Variants in NSD2 observed in about 807,000 individuals in gnomAD.
The protein encoded by NSD2 is nuclear receptor binding SET domain protein 2.
Under a neutral mutation model 139.0 loss-of-function variants are expected in NSD2, and 12 were observed. The ratio of observed to expected loss-of-function variants is 0.09; its 90% CI spans 0.06 to 0.14. The LOEUF is 0.14. Among genes scored for constraint, NSD2 ranks in the 10% least tolerant of loss-of-function variants. The probability of loss-of-function intolerance (pLI) is 1.00; values close to 1 mark genes in which losing one functional copy is unlikely to be tolerated. For synonymous variants in NSD2, 669 were observed against 648.7 expected (o/e 1.03, Z -0.48); for missense variants, 1,155 against 1,745.0 (o/e 0.66, Z 6.02).
At chr4:1,877,308 C>G (rs1005238747) in intron 1 of NSD2, among the ~76,000 whole-genome samples, 13 of 152,120 alleles carry the variant, frequency 8.5e-5, no homozygotes, top group African/African-American at 3.1e-4. Flanking sequence ...TACACACTGC[C>G]TTGTCTTTCT....
chr4:1,975,731 A>G (rs1046782695), intron 20 of NSD2: 5 of 283,268 alleles, frequency 1.8e-5, no homozygotes, highest in Admixed American at 4.8e-5. Context: ...GGTGGCGGCC[A>G]CAGTCCTTGC....
chr4:1,967,852 C>T (rs888784435), intron 18 of NSD2, among the ~76,000 whole-genome samples: 3 of 151,920 alleles, frequency 2.0e-5, no homozygotes, highest in Admixed American at 6.6e-5. Context: ...AGGGGTCTGG[C>T]ATCTCATTGT....
At chr4:1,940,870 T>C in intron 9 of NSD2, 2 of 1,057,274 alleles carry the variant, frequency 1.9e-6, no homozygotes, top group East Asian at 1.0e-4. Context: ...GCGGGGCTCA[T>C]AGAGCTCTGC....
intron 9 of NSD2, chr4:1,943,920 T>A (rs1723362396): frequency 9.4e-7 from 1 of 1,063,922 alleles, no homozygotes; most frequent in Non-Finnish European, 1.1e-6. Flanking sequence ...AACTGATAGA[T>A]GCATTAGAAG....
chr4:1,909,987 C>T (rs1341188933), intron 3 of NSD2, among the ~76,000 whole-genome samples: 1 of 151,892 alleles, frequency 6.6e-6, no homozygotes, highest in East Asian at 1.9e-4. Context: ...ATTTATGGAC[C>T]AGTTTGAATC....
chr4:1,951,653 C>T (rs753598404), intron 10 of NSD2, among the ~76,000 whole-genome samples: 44 of 152,278 alleles, frequency 2.9e-4, no homozygotes, highest in Non-Finnish European at 5.7e-4. Context: ...GGACCCCAGC[C>T]AGGCCACCTA....
At chr4:1,928,291 G>A (rs922607495) in intron 5 of NSD2, among the ~76,000 whole-genome samples, 4 of 152,104 alleles carry the variant, frequency 2.6e-5, no homozygotes, top group African/African-American at 9.7e-5. Context: ...TTGTACAAAA[G>A]TATATCTAGT....
intron 5 of NSD2, among the ~76,000 whole-genome samples, chr4:1,928,729 TG>T (rs1384584902): frequency 1.4e-5 from 2 of 147,642 alleles, no homozygotes; most frequent in African/African-American, 4.9e-5. Context: ...TGGTGGGTGA[TG>T]GGGTGCCAGG....
In NSD2 at chr4:1,935,157, G is replaced by GA; in HGVS notation, c.1576dup (p.Arg526LysfsTer15). On this transcript the variant is annotated frameshift_variant, in exon 7 of 22. Coordinates refer to ENST00000508803, the MANE Select transcript of NSD2 (RefSeq NM_001042424.3). LOFTEE classifies it high-confidence loss of function. ...CCCCATTCCAAGGTAATGTAAATGG[G>GA]AAAAAAAGAAACCACACAAAGAGGA... 6.2e-7 allele frequency: 1 copy of GA among 1,609,886 alleles called. No homozygotes were observed. The highest frequency in any genetic ancestry group is 8.5e-7 in the Non-Finnish European group (1 of 1,177,988).
intron 9 of NSD2, chr4:1,940,473 AAAC>A: frequency 9.4e-7 from 1 of 1,064,112 alleles, no homozygotes; most frequent in South Asian, 4.6e-5. Flanking sequence ...CCGTTGCCAA[AAAC>A]AACAAATAGC....
chr4:1,900,567 A>C (rs1477167293), intron 1 of NSD2, 59 bp from the exon 2 acceptor site: 18 of 1,158,394 alleles, frequency 1.6e-5, no homozygotes, highest in East Asian at 1.5e-4. Flanking sequence ...TGGCATACCT[A>C]TCCTAGGTTT....
At chr4:1,933,078 A>C (rs1159067188) in intron 6 of NSD2, among the ~76,000 whole-genome samples, 1 of 152,144 alleles carries the variant, frequency 6.6e-6, no homozygotes, top group Non-Finnish European at 1.5e-5. Context: ...ACCAGCCTGC[A>C]GTGGTGTGGC....
At chr4:1,887,921 T>C (rs56165638) in intron 1 of NSD2, among the ~76,000 whole-genome samples, 14,499 of 151,970 alleles carry the variant, frequency 0.095, 907 homozygotes, top group Middle Eastern at 0.17. Flanking sequence ...CTTTTTTTTT[T>C]CTTCTGTGAT....
chr4:1,962,274 C>T (rs369065442), intron 18 of NSD2, among the ~76,000 whole-genome samples: 1 of 152,282 alleles, frequency 6.6e-6, no homozygotes, highest in East Asian at 1.9e-4. Context: ...CAAAAAGAAT[C>T]CTGGGTTAAA....
chr4:1,958,026 A>G lies in NSD2; in HGVS notation c.2975A>G (p.Lys992Arg). 1 of 1,613,962 alleles carries G rather than the reference A, an allele frequency of 6.2e-7. No individual in the cohort carries two copies. The highest frequency in any genetic ancestry group is 1.1e-5 in the South Asian group (1 of 91,052). The change falls in exon 16 of 22, where the codon AAG becomes AGG. Residue 992 changes from lysine to arginine, a missense_variant. This residue lies in a region of NSD2 where 139 missense variants were observed against 485.8 expected (regional missense o/e 0.29). Coordinates refer to ENST00000508803, the MANE Select transcript of NSD2 (RefSeq NM_001042424.3). The surrounding 1 kb of genome is among the most constrained non-coding windows in gnomAD (Gnocchi z 4.6). ...AGCGAGCGCAAGCCCCCACCATACA[A>G]GCACATCAAGGTGGCGTGTGGGAGC... is the stretch of plus-strand genomic sequence containing the variant. ...QESERKPPPY[K>R]HIKVNKPYGK... is the part of the protein sequence containing the mutation.
At chr4:1,938,412 C>CTTTCTTTTTTTTTTTTTTTTTTTTTTT (rs1722694407) in intron 7 of NSD2, 39 bp from the exon 8 acceptor site, 1 of 637,978 alleles carries the variant, frequency 1.6e-6, no homozygotes, top group Non-Finnish European at 2.0e-6. Context: ...TTTTTTTTTT[C>CTTTCTTTTTTTTTTTTTTTTTTTTTTT]TTTCTTTTTT....
At chr4:1,968,095 C>T (rs1726073018) in intron 18 of NSD2, among the ~76,000 whole-genome samples, 1 of 152,170 alleles carries the variant, frequency 6.6e-6, no homozygotes, top group Non-Finnish European at 1.5e-5. Flanking sequence ...AACCCTAGAC[C>T]TTGCATTCTA....
intron 3 of NSD2, among the ~76,000 whole-genome samples, chr4:1,904,960 G>A (rs942596001): frequency 5.9e-5 from 9 of 152,096 alleles, no homozygotes; most frequent in East Asian, 5.8e-4. Context: ...GTCAAACCGC[G>A]TCTCTACTAA....
At position 1,981,403 on chromosome 4, in the gene NSD2, G is replaced by C. The variant is rs920073105; in HGVS notation, c.*2494G>C. On this transcript the variant is annotated 3_prime_UTR_variant, in exon 22 of 22. Coordinates refer to ENST00000508803, the MANE Select transcript of NSD2 (RefSeq NM_001042424.3). Reference sequence around the variant, plus strand: ...CCCTGCCCAGCTTTGTTCTGAGGACGTGGTGACTTCCTGAACATCAGCTTC... The same window carrying C: ...CCCTGCCCAGCTTTGTTCTGAGGACCTGGTGACTTCCTGAACATCAGCTTC... 1 of 233,504 alleles carries C rather than the reference G, an allele frequency of 4.3e-6. No individual in the cohort carries two copies. The allele number at this position is 233,504 out of a possible 1,614,324, so 14.5% of individuals were successfully genotyped here. A position where few individuals can be genotyped will look rare whatever the true frequency, so the allele number is the denominator to read the frequency against.
Sources: allele counts gnomAD v4.1 joint callset (sites outside exome capture counted in the v4.1 genomes callset), GRCh38; gene constraint gnomAD v4.1.1; regional missense constraint gnomAD v4.1.1; non-coding constraint Gnocchi (gnomAD v3.1); transcripts MANE v1.5; gene names NCBI Gene and HGNC (gene_info 2026-07-23, HGNC 2026-07-21).